The following GPC5 variants were observed in gnomAD, a reference collection of about 807,000 sequenced individuals.
GPC5 encodes the protein glypican-5.
GPC5 carries 47 observed loss-of-function variants against 53.9 expected under a neutral mutation model. The observed-to-expected ratio is 0.87, with a 90% confidence interval of 0.69 to 1.11. The LOEUF is 1.11. GPC5 is among the 50% of genes most tolerant of loss of function. The pLI is 0.00. For synonymous variants in GPC5, 286 were observed against 263.3 expected, an observed-to-expected ratio of 1.09 and a Z score of -0.84; for missense variants, 748 against 713.1, an observed-to-expected ratio of 1.05 and a Z score of -0.56.
intron 2 of GPC5, among the ~76,000 whole-genome samples, chr13:91,564,266 A>T (rs987176221): frequency 6.6e-6 from 1 of 152,198 alleles, no homozygotes; most frequent in Admixed American, 6.6e-5. Context: ...ATACAATGCC[A>T]AATATGATCT....
intron 2 of GPC5, among the ~76,000 whole-genome samples, chr13:91,582,723 C>A (rs76883253): frequency 0.096 from 14,632 of 152,084 alleles, 813 homozygotes; most frequent in South Asian, 0.32. Flanking sequence ...ATTTAATATC[C>A]ATTTATAGGC....
intron 7 of GPC5, among the ~76,000 whole-genome samples, chr13:92,485,889 C>G (rs536804374): frequency 2.6e-5 from 4 of 152,312 alleles, no homozygotes; most frequent in Non-Finnish European, 5.9e-5. Flanking sequence ...TCACTTGAAT[C>G]TGGGAGGCAG....
chr13:91,649,219 T>G (rs1395374834), intron 2 of GPC5, among the ~76,000 whole-genome samples: 6 of 152,178 alleles, frequency 3.9e-5, no homozygotes, highest in Non-Finnish European at 7.4e-5. Flanking sequence ...CTTTGCTTTA[T>G]AAATTATCCA....
chr13:91,423,593 T>C (rs189333334), intron 1 of GPC5, among the ~76,000 whole-genome samples: 3 of 152,098 alleles, frequency 2.0e-5, no homozygotes, highest in African/African-American at 7.2e-5. Context: ...GGGGTGTGAA[T>C]GTGGAAAGAG....
rs1183674810 is a variant in GPC5, at chr13:91,671,790, AAAAAAAAAAAAAAAACG to A, written c.326-21393_326-21377del. Among the ~76,000 whole-genome samples the A allele has an allele frequency of 8.1e-5, 12 of 148,950 alleles. No homozygotes were observed. In the South Asian group the frequency reaches 1.5e-3, roughly 18 times the overall value. On this transcript the variant is annotated intron_variant, in intron 2 of 7. Transcript: ENST00000377067. ...CAAGACAATCTGAAGCAAAAAAAAA[AAAAAAAAAAAAAAAACG>A]AAACTGGAGGCATCACGCTACCAGA...
At chr13:92,197,240 G>A (rs2042262855) in intron 7 of GPC5, among the ~76,000 whole-genome samples, 1 of 151,890 alleles carries the variant, frequency 6.6e-6, no homozygotes, top group South Asian at 2.1e-4. Context: ...AAAACCCCCA[G>A]ACCATAAATT....
chr13:92,683,323 A>T (rs1185780880), intron 7 of GPC5, among the ~76,000 whole-genome samples: 2 of 152,212 alleles, frequency 1.3e-5, no homozygotes, highest in Non-Finnish European at 2.9e-5. Flanking sequence ...TGGGTTACAT[A>T]GCAACCTGGA....
At chr13:92,323,651 A>G (rs1419219244) in intron 7 of GPC5, among the ~76,000 whole-genome samples, 1 of 151,870 alleles carries the variant, frequency 6.6e-6, no homozygotes, top group Non-Finnish European at 1.5e-5. Context: ...TGTTTAAAAT[A>G]GGACTTGAAA....
intron 2 of GPC5, among the ~76,000 whole-genome samples, chr13:91,600,168 G>A (rs747960488): frequency 3.3e-5 from 5 of 152,060 alleles, no homozygotes; most frequent in African/African-American, 7.3e-5. Context: ...CAATACACCC[G>A]CCTTGGCCTC....
chr13:91,957,029 A>G (rs770387948), intron 6 of GPC5, among the ~76,000 whole-genome samples: 6 of 152,154 alleles, frequency 3.9e-5, no homozygotes, highest in Non-Finnish European at 8.8e-5. Context: ...ATGATATTAA[A>G]TAAGCACAGT....
At chr13:92,149,160 C>T (rs1381605207) in intron 7 of GPC5, among the ~76,000 whole-genome samples, 1 of 152,022 alleles carries the variant, frequency 6.6e-6, no homozygotes, top group Middle Eastern at 3.2e-3. Flanking sequence ...TTTTGCTGGG[C>T]TTCTCCTCAT....
At chr13:92,021,127 C>G (rs2040754396) in intron 6 of GPC5, among the ~76,000 whole-genome samples, 1 of 152,106 alleles carries the variant, frequency 6.6e-6, no homozygotes, top group Non-Finnish European at 1.5e-5. Flanking sequence ...AATTCCACTT[C>G]TGAGGATTTA....
intron 5 of GPC5, among the ~76,000 whole-genome samples, chr13:91,825,587 A>G (rs2038564383): frequency 6.6e-6 from 1 of 152,158 alleles, no homozygotes; most frequent in Admixed American, 6.6e-5. Context: ...GCTATGTGAA[A>G]TCACAGAAAA....
chr13:91,493,692 A>G (rs1884066579), intron 2 of GPC5, among the ~76,000 whole-genome samples: 1 of 152,100 alleles, frequency 6.6e-6, no homozygotes, highest in Non-Finnish European at 1.5e-5. Context: ...TTGCTCTTCC[A>G]TGTTCCCAGA....
chr13:92,528,838 AT>A (rs1555287318), intron 7 of GPC5, among the ~76,000 whole-genome samples: 2 of 151,954 alleles, frequency 1.3e-5, no homozygotes, highest in Non-Finnish European at 2.9e-5. Flanking sequence ...ATTTTATAAA[AT>A]TTTTATAAAA....
At chr13:92,714,869 C>A (rs905403266) in intron 7 of GPC5, among the ~76,000 whole-genome samples, 1 of 152,072 alleles carries the variant, frequency 6.6e-6, no homozygotes, top group Non-Finnish European at 1.5e-5. Context: ...AGTTCAAGAC[C>A]AGCCTGGCCA....
intron 7 of GPC5, among the ~76,000 whole-genome samples, chr13:92,725,511 T>C (rs567607452): frequency 6.6e-6 from 1 of 151,740 alleles, no homozygotes; most frequent in Admixed American, 6.6e-5. Flanking sequence ...TGTAAGGAAC[T>C]ACTCTAAGAA....
chr13:92,773,162 T>C (rs963111599), intron 7 of GPC5, among the ~76,000 whole-genome samples: 1 of 152,158 alleles, frequency 6.6e-6, no homozygotes, highest in African/African-American at 2.4e-5. Context: ...GAATTTAGTA[T>C]AATATATTGC....
chr13:92,025,751 G>T (rs140810742), intron 6 of GPC5, among the ~76,000 whole-genome samples: 1 of 152,096 alleles, frequency 6.6e-6, no homozygotes, highest in Non-Finnish European at 1.5e-5. Flanking sequence ...TATTGTAGAT[G>T]ATTATCTCTT....
Sources: gnomAD v4.1 joint callset for allele counts (sites outside exome capture counted in the v4.1 genomes callset) on GRCh38, gnomAD v4.1.1 for gene constraint, MANE v1.5 for transcripts, NCBI Gene and HGNC (gene_info 2026-07-23, HGNC 2026-07-21) for gene names.